CADM2: variants seen among roughly 807,000 people sequenced by gnomAD.
CADM2 encodes immunoglobulin superfamily member 4D.
CADM2 carries 12 observed loss-of-function variants against 49.8 expected under a neutral mutation model. The ratio of observed to expected loss-of-function variants is 0.24; its 90% CI spans 0.15 to 0.39. CADM2 has a LOEUF of 0.39. CADM2 is among the 10% of genes least tolerant of loss of function. The pLI is 1.00. For synonymous variants in CADM2, 214 were observed against 175.4 expected (o/e 1.22, Z -1.74); for missense variants, 378 against 492.3 (o/e 0.77, Z 2.20).
intron 1 of CADM2, among the ~76,000 whole-genome samples, chr3:85,556,452 CA>C (rs1327551909): frequency 6.6e-6 from 1 of 152,056 alleles, no homozygotes; most frequent in African/African-American, 2.4e-5. Flanking sequence ...AATTTAACGT[CA>C]AAAACTACAC....
At chr3:85,995,449 G>T (rs1729263555) in intron 8 of CADM2, among the ~76,000 whole-genome samples, 1 of 151,986 alleles carries the variant, frequency 6.6e-6, no homozygotes, top group South Asian at 2.1e-4. Context: ...TTCATCATAT[G>T]CTAAGTTTGT....
intron 1 of CADM2, among the ~76,000 whole-genome samples, chr3:85,153,079 G>A (rs1259710286): frequency 6.6e-6 from 1 of 152,144 alleles, no homozygotes; most frequent in African/African-American, 2.4e-5. Context: ...TGCGGGGGAG[G>A]AGCCAAGATG....
chr3:85,997,007 T>TA (rs1291227379), intron 8 of CADM2, among the ~76,000 whole-genome samples: 2 of 152,226 alleles, frequency 1.3e-5, no homozygotes, highest in Admixed American at 6.5e-5. Flanking sequence ...TGCTAAGTGA[T>TA]ACATCGGTCA....
intron 1 of CADM2, among the ~76,000 whole-genome samples, chr3:85,720,617 A>G (rs2067466368): frequency 6.6e-6 from 1 of 152,228 alleles, no homozygotes; most frequent in Middle Eastern, 3.2e-3. Flanking sequence ...GAAATAAATT[A>G]AATTCTCACT....
At chr3:85,566,108 A>T (rs1481550511) in intron 1 of CADM2, among the ~76,000 whole-genome samples, 1 of 152,122 alleles carries the variant, frequency 6.6e-6, no homozygotes, top group Non-Finnish European at 1.5e-5. Flanking sequence ...ACTGATCCAA[A>T]TACTGCTAAT....
At chr3:85,801,803 T>C (rs1248375006) in intron 2 of CADM2, among the ~76,000 whole-genome samples, 1 of 152,200 alleles carries the variant, frequency 6.6e-6, no homozygotes, top group Non-Finnish European at 1.5e-5. Context: ...TCTTTATGTA[T>C]GCCTAGGACA....
intron 8 of CADM2, among the ~76,000 whole-genome samples, chr3:85,970,791 G>A (rs1726028418): frequency 6.6e-6 from 1 of 151,462 alleles, no homozygotes; most frequent in Non-Finnish European, 1.5e-5. Context: ...TCAGGATTCT[G>A]GAAGCTACTT....
intron 1 of CADM2, among the ~76,000 whole-genome samples, chr3:85,481,412 T>C (rs529483960): frequency 1.8e-4 from 27 of 151,684 alleles, no homozygotes; most frequent in Admixed American, 1.6e-3. Flanking sequence ...GCCGCTTCCA[T>C]GAATGCTACA....
chr3:86,011,580 GAGA>G (rs1401982708), intron 8 of CADM2, among the ~76,000 whole-genome samples: 10 of 152,112 alleles, frequency 6.6e-5, no homozygotes, highest in African/African-American at 1.2e-4. Context: ...AAGAGAGATG[GAGA>G]AGAAGAGAAG....
Position 86,065,591 on chromosome 3 carries a change from C to CCTGT in CADM2, c.971-11_971-8dup. 1 of 1,605,294 alleles carries CCTGT rather than the reference C, an allele frequency of 6.2e-7. No homozygotes were observed. The highest frequency in any genetic ancestry group is 1.1e-5 in the South Asian group (1 of 89,318). ...AACACATTAAATAGAACAATATTTT[C>CCTGT]CTGTCTTTTCCAGATCCTAATGCTT... On this transcript the variant is annotated splice_polypyrimidine_tract_variant and intron_variant, in intron 8 of 9. Coordinates refer to ENST00000383699, the MANE Select transcript of CADM2 (RefSeq NM_001167675.2).
At chr3:85,252,505 T>C (rs2042798320) in intron 1 of CADM2, among the ~76,000 whole-genome samples, 1 of 152,046 alleles carries the variant, frequency 6.6e-6, no homozygotes, top group African/African-American at 2.4e-5. Context: ...ACTTACTGTA[T>C]GATAACTAAG....
chr3:85,467,286 A>C (rs1351770939), intron 1 of CADM2, among the ~76,000 whole-genome samples: 1 of 152,126 alleles, frequency 6.6e-6, no homozygotes, highest in African/African-American at 2.4e-5. Flanking sequence ...TAGAATTTAG[A>C]GTTTTGGTAT....
chr3:85,191,574 A>C (rs573606241), intron 1 of CADM2, among the ~76,000 whole-genome samples: 1 of 152,248 alleles, frequency 6.6e-6, no homozygotes, highest in East Asian at 1.9e-4. Context: ...TTGGCTCCAA[A>C]TAGATGACGG....
chr3:85,041,424 G>T (rs1175210120), intron 1 of CADM2, among the ~76,000 whole-genome samples: 1 of 152,142 alleles, frequency 6.6e-6, no homozygotes, highest in Non-Finnish European at 1.5e-5. Context: ...GACGGAGTAA[G>T]AATAGGAGAA....
rs1426666302 is a variant in CADM2, at chr3:86,068,303, A to G, written c.*1520A>G. ...GAAACAGTTAATCTAAAGTCTTATT[A>G]TTTCTTCTAGTAAAATAAAATATTG... On this transcript the variant is annotated 3_prime_UTR_variant, in exon 10 of 10. Transcript: ENST00000383699. 1 of 152,108 alleles carries G rather than the reference A, an allele frequency of 6.6e-6. No homozygotes were observed. Among genetic ancestry groups the G allele is most frequent in the Non-Finnish European group, 1.5e-5 (1 of 67,876 alleles). The allele number at this position is 152,108 out of a possible 1,614,324, so 9.4% of individuals were successfully genotyped here.
intron 1 of CADM2, among the ~76,000 whole-genome samples, chr3:85,220,887 CA>C (rs1304052991): frequency 6.6e-6 from 1 of 151,868 alleles, no homozygotes; most frequent in Admixed American, 6.6e-5. Context: ...TAAGGCAAAA[CA>C]AAGAACTAAA....
chr3:85,009,714 A>AC (rs1335728321), intron 1 of CADM2, among the ~76,000 whole-genome samples: 1 of 151,858 alleles, frequency 6.6e-6, no homozygotes, highest in Non-Finnish European at 1.5e-5. Context: ...AAAATAGAAA[A>AC]AATCAACTGG....
At chr3:85,694,417 G>A (rs926273035) in intron 1 of CADM2, among the ~76,000 whole-genome samples, 1 of 152,112 alleles carries the variant, frequency 6.6e-6, no homozygotes, top group Non-Finnish European at 1.5e-5. Flanking sequence ...TGCTATTTAG[G>A]GAGAGAGAAC....
At chr3:85,097,016 T>C (rs1216821435) in intron 1 of CADM2, among the ~76,000 whole-genome samples, 1 of 152,272 alleles carries the variant, frequency 6.6e-6, no homozygotes, top group East Asian at 1.9e-4. Context: ...ATTATTATTA[T>C]ACTTTAAGTT....
Sources: allele counts gnomAD v4.1 joint callset (sites outside exome capture counted in the v4.1 genomes callset), GRCh38; gene constraint gnomAD v4.1.1; transcripts MANE v1.5; gene names NCBI Gene and HGNC (gene_info 2026-07-23, HGNC 2026-07-21).